KLF12: variants seen among roughly 807,000 people sequenced by gnomAD.
KLF12 encodes the protein KLF transcription factor 12.
KLF12 carries 9 observed loss-of-function variants against 37.8 expected under a neutral mutation model. The observed-to-expected ratio is 0.24, with a 90% CI of 0.14 to 0.42. KLF12 has a LOEUF of 0.42. Among genes scored for constraint, KLF12 ranks in the 10% least tolerant of loss-of-function variants. The pLI is 1.00. For missense variants in KLF12, 411 were observed against 516.0 expected (o/e 0.80, Z 1.97); for synonymous variants, 208 against 202.1 (o/e 1.03, Z -0.25).
chr13:73,909,606 A>T (rs561299435), intron 3 of KLF12, among the ~76,000 whole-genome samples: 1 of 152,350 alleles, frequency 6.6e-6, no homozygotes, highest in Non-Finnish European at 1.5e-5. Context: ...TTGCCCTCAC[A>T]GGACAGACAT....
intron 4 of KLF12, among the ~76,000 whole-genome samples, chr13:73,834,429 T>C (rs576110579): frequency 6.6e-6 from 1 of 152,364 alleles, no homozygotes; most frequent in East Asian, 1.9e-4. Context: ...TCAGTTTTAC[T>C]AAGTTTTCCT....
chr13:74,296,653 T>C, the KLF12 span, among the ~76,000 whole-genome samples: 1 of 152,236 alleles, frequency 6.6e-6, no homozygotes, highest in Non-Finnish European at 1.5e-5. Flanking sequence ...ATTTTAATGA[T>C]ACCTTTTTGA....
the KLF12 span, among the ~76,000 whole-genome samples, chr13:74,295,695 G>A: frequency 6.6e-6 from 1 of 151,990 alleles, no homozygotes; most frequent in South Asian, 2.1e-4. Context: ...TTAAAGAAAT[G>A]GATGCTCAAA....
chr13:74,133,574 T>C (rs1878389523), intron 1 of KLF12, among the ~76,000 whole-genome samples: 1 of 151,252 alleles, frequency 6.6e-6, no homozygotes, highest in Non-Finnish European at 1.5e-5. Flanking sequence ...TTCCCAGCAC[T>C]TTCCCCCTTT....
At chr13:74,175,008 C>T in the KLF12 span, among the ~76,000 whole-genome samples, 2 of 152,198 alleles carry the variant, frequency 1.3e-5, no homozygotes, top group African/African-American at 4.8e-5. Context: ...TGCCACTAAC[C>T]ACAGCACCCT....
At chr13:73,752,301 C>T (rs568808397) in intron 6 of KLF12, among the ~76,000 whole-genome samples, 31 of 152,212 alleles carry the variant, frequency 2.0e-4, no homozygotes, top group Non-Finnish European at 3.4e-4. Context: ...ATATTTGTGG[C>T]TCATCCACTG....
intron 7 of KLF12, among the ~76,000 whole-genome samples, chr13:73,698,804 A>G (rs937711945): frequency 1.3e-5 from 2 of 152,004 alleles, no homozygotes; most frequent in East Asian, 1.9e-4. Context: ...GGGTTTGCCA[A>G]CCCCTGATTT....
intron 3 of KLF12, among the ~76,000 whole-genome samples, chr13:73,907,272 G>C (rs1888344585): frequency 6.6e-6 from 1 of 152,042 alleles, no homozygotes; most frequent in Non-Finnish European, 1.5e-5. Flanking sequence ...AATGTCTTAT[G>C]TCTACCTATG....
chr13:74,163,511 T>C, the KLF12 span, among the ~76,000 whole-genome samples: 1 of 152,066 alleles, frequency 6.6e-6, no homozygotes, highest in African/African-American at 2.4e-5. Flanking sequence ...TTTTCACTTA[T>C]TTGTGGGATC....
chr13:73,977,119 C>G (rs1037633192), intron 2 of KLF12, among the ~76,000 whole-genome samples: 1 of 150,278 alleles, frequency 6.7e-6, no homozygotes, highest in Non-Finnish European at 1.5e-5. Flanking sequence ...GGCATGATCT[C>G]GACTCACTGC....
intron 1 of KLF12, among the ~76,000 whole-genome samples, chr13:74,000,293 C>T (rs1416057100): frequency 5.3e-5 from 8 of 152,124 alleles, no homozygotes; most frequent in African/African-American, 1.7e-4. Flanking sequence ...CTTGCTTATA[C>T]GAAGGTCCTG....
the KLF12 span, among the ~76,000 whole-genome samples, chr13:74,215,292 A>C: frequency 6.6e-6 from 1 of 151,894 alleles, no homozygotes; most frequent in African/African-American, 2.4e-5. Context: ...CACTTCTATT[A>C]ACTTTTTAAT....
chr13:73,777,158 T>A (rs7987532), intron 5 of KLF12, among the ~76,000 whole-genome samples: 19,182 of 152,064 alleles, frequency 0.13, 1,417 homozygotes, highest in East Asian at 0.28. Flanking sequence ...GGGCTGGGTG[T>A]CCTAAGATAC....
At chr13:74,061,713 A>G (rs998457204) in intron 1 of KLF12, among the ~76,000 whole-genome samples, 7 of 152,108 alleles carry the variant, frequency 4.6e-5, no homozygotes, top group Admixed American at 3.3e-4. Context: ...ACATGGTGGC[A>G]CTCTCTGAGC....
the KLF12 span, among the ~76,000 whole-genome samples, chr13:74,195,110 T>C: frequency 6.6e-6 from 1 of 152,184 alleles, no homozygotes; most frequent in African/African-American, 2.4e-5. Context: ...GTGTCTAATC[T>C]TCACTTTTCC....
chr13:74,086,121 T>C (rs1875277014), intron 1 of KLF12, among the ~76,000 whole-genome samples: 1 of 151,804 alleles, frequency 6.6e-6, no homozygotes, highest in African/African-American at 2.4e-5. Flanking sequence ...ATTTTTATTA[T>C]TATTATTATT....
chr13:74,242,514 C>T, the KLF12 span, among the ~76,000 whole-genome samples: 2 of 152,178 alleles, frequency 1.3e-5, no homozygotes, highest in Non-Finnish European at 2.9e-5. Context: ...CAATTATCTC[C>T]CACTGGGTCC....
chr13:73,924,369 AC>A (rs1889276266), intron 3 of KLF12, among the ~76,000 whole-genome samples: 1 of 152,166 alleles, frequency 6.6e-6, no homozygotes, highest in Non-Finnish European at 1.5e-5. Flanking sequence ...TCTCTGTCTT[AC>A]ATTTTGGTTT....
In KLF12 at chr13:73,687,863, C is replaced by T. The variant is rs1873588103; in HGVS notation, c.*7627G>A. 6.6e-6 allele frequency: 1 copy of T among 152,102 alleles called. No individual in the cohort carries two copies. Among genetic ancestry groups the T allele is most frequent in the African/African-American group, 2.4e-5 (1 of 41,422 alleles). The allele number at this position is 152,102 out of a possible 1,614,324, so 9.4% of individuals were successfully genotyped here. On this transcript the variant is annotated 3_prime_UTR_variant, in exon 8 of 8. Transcript: ENST00000377669. ...ACTTCAAATTTCTAGAGATGAAATC[C>T]AGAAAGAAAAAGTACTGAGGCGACT...
Sources: allele counts gnomAD v4.1 joint callset (sites outside exome capture counted in the v4.1 genomes callset), GRCh38; gene constraint gnomAD v4.1.1; transcripts MANE v1.5; gene names NCBI Gene and HGNC (gene_info 2026-07-23, HGNC 2026-07-21).